The following GABRA2 variants were observed in gnomAD, a reference collection of about 807,000 sequenced individuals.
GABRA2 encodes gamma-aminobutyric acid receptor subunit alpha-2.
GABRA2 carries 16 observed loss-of-function variants against 48.7 expected under a neutral mutation model. That is an observed-to-expected ratio of 0.33 (90% confidence interval 0.22 to 0.50). The LOEUF is 0.50. Among genes scored for constraint, GABRA2 ranks in the 20% least tolerant of loss-of-function variants. The pLI is 0.98. For missense variants in GABRA2, 275 were observed against 535.6 expected (o/e 0.51, Z 4.80); for synonymous variants, 185 against 184.5 (o/e 1.00, Z -0.02).
In GABRA2 at chr4:46,250,425, A is replaced by G. The variant is rs924672943; in HGVS notation, c.1239T>C (p.Ser413=). The change falls in exon 10 of 10, where the codon AGT becomes AGC. Residue 413 remains serine (S), a synonymous_variant. Coordinates refer to ENST00000381620, the MANE Select transcript of GABRA2 (RefSeq NM_000807.4). ...KPAEAKKTFN[S]VSKIDRMSRI... ...TGGACATTCTGTCAATTTTGCTAACACTGTTGAAAGTTTTCTTTGCTTCAG... is the reference window on the plus strand; with the variant it reads ...TGGACATTCTGTCAATTTTGCTAACGCTGTTGAAAGTTTTCTTTGCTTCAG... 1 of 1,611,924 alleles carries G rather than the reference A, an allele frequency of 6.2e-7. No homozygotes were observed. Among genetic ancestry groups the G allele is most frequent in the Non-Finnish European group, 8.5e-7 (1 of 1,178,602 alleles).
chr4:46,275,657 A>C (rs965454803), intron 8 of GABRA2, among the ~76,000 whole-genome samples: 1 of 152,168 alleles, frequency 6.6e-6, no homozygotes, highest in African/African-American at 2.4e-5. Context: ...AAACCGCCCC[A>C]ATGTTATCAA....
At chr4:46,256,453 TC>T (rs1715855587) in intron 9 of GABRA2, 4 of 407,742 alleles carry the variant, frequency 9.8e-6, no homozygotes, top group African/African-American at 6.2e-5. Context: ...GTACCCAGCT[TC>T]CCCTAATTAA....
At chr4:46,388,358 CT>C (rs1487916500) in intron 2 of GABRA2, among the ~76,000 whole-genome samples, 3 of 152,294 alleles carry the variant, frequency 2.0e-5, no homozygotes, top group Non-Finnish European at 4.4e-5. Context: ...TAATTAATCA[CT>C]TCAATTCCTT....
At chr4:46,361,932 C>T (rs571694806) in intron 3 of GABRA2, among the ~76,000 whole-genome samples, 1 of 152,184 alleles carries the variant, frequency 6.6e-6, no homozygotes, top group Admixed American at 6.5e-5. Flanking sequence ...CAATTTCTCC[C>T]ATTTAGAATG....
intron 8 of GABRA2, among the ~76,000 whole-genome samples, chr4:46,281,858 C>A (rs1721599918): frequency 6.6e-6 from 1 of 150,464 alleles, no homozygotes; most frequent in African/African-American, 2.4e-5. Context: ...ATTTATCTTT[C>A]TTCTAGAGAT....
At chr4:46,318,561 A>G (rs1041760758) in intron 4 of GABRA2, among the ~76,000 whole-genome samples, 6 of 151,700 alleles carry the variant, frequency 4.0e-5, no homozygotes, top group Admixed American at 1.3e-4. Context: ...TGCATTTAAA[A>G]TTAACTTCAG....
chr4:46,287,616 C>T (rs1722804897), intron 8 of GABRA2, among the ~76,000 whole-genome samples: 1 of 112,516 alleles, frequency 8.9e-6, no homozygotes, highest in Non-Finnish European at 1.7e-5. Context: ...ACATCACACT[C>T]TGGGGACTGT....
At chr4:46,375,515 C>T (rs1054817476) in intron 3 of GABRA2, among the ~76,000 whole-genome samples, 6 of 152,106 alleles carry the variant, frequency 3.9e-5, no homozygotes, top group Middle Eastern at 3.4e-3. Flanking sequence ...GGAATTAACA[C>T]GGTCTTAGTA....
intron 3 of GABRA2, among the ~76,000 whole-genome samples, chr4:46,379,273 G>C (rs924593139): frequency 1.3e-5 from 2 of 152,162 alleles, no homozygotes; most frequent in African/African-American, 4.8e-5. Flanking sequence ...GCCATATGGA[G>C]AGAAGTGGGA....
At chr4:46,287,435 A>G (rs1167606481) in intron 8 of GABRA2, among the ~76,000 whole-genome samples, 2 of 151,824 alleles carry the variant, frequency 1.3e-5, no homozygotes, top group African/African-American at 4.8e-5. Flanking sequence ...TACACCATGG[A>G]ATACTATGCA....
At chr4:46,319,007 CCAGA>C (rs934270983) in intron 4 of GABRA2, among the ~76,000 whole-genome samples, 1 of 151,576 alleles carries the variant, frequency 6.6e-6, no homozygotes, top group Non-Finnish European at 1.5e-5. Context: ...GTGACAGAAC[CCAGA>C]CAAAGATGCA....
intron 9 of GABRA2, 131 bp from the exon 10 acceptor site, chr4:46,250,735 A>T: frequency 1.5e-6 from 1 of 647,758 alleles, no homozygotes; most frequent in Non-Finnish European, 2.6e-6. Context: ...AACAGAAATT[A>T]GGAAAATAAA....
At chr4:46,269,676 G>A (rs888038427) in intron 8 of GABRA2, among the ~76,000 whole-genome samples, 1 of 151,794 alleles carries the variant, frequency 6.6e-6, no homozygotes, top group Non-Finnish European at 1.5e-5. Context: ...TATTTGGATT[G>A]AATGGAGAAA....
At chr4:46,358,882 C>T (rs1712665575) in intron 3 of GABRA2, among the ~76,000 whole-genome samples, 1 of 152,148 alleles carries the variant, frequency 6.6e-6, no homozygotes. Flanking sequence ...GTGATCAAGC[C>T]ATTCATCTCA....
At chr4:46,357,162 T>C (rs1736123695) in intron 3 of GABRA2, among the ~76,000 whole-genome samples, 1 of 151,852 alleles carries the variant, frequency 6.6e-6, no homozygotes, top group Non-Finnish European at 1.5e-5. Context: ...TATGTCTGTC[T>C]ATCTGCAGGC....
intron 8 of GABRA2, among the ~76,000 whole-genome samples, chr4:46,285,935 T>C (rs1722467255): frequency 6.6e-6 from 1 of 152,156 alleles, no homozygotes; most frequent in Admixed American, 6.5e-5. Context: ...TTTAAGCTCA[T>C]GAATTTTAAA....
intron 4 of GABRA2, among the ~76,000 whole-genome samples, chr4:46,317,019 T>A (rs1189863924): frequency 6.6e-6 from 1 of 151,892 alleles, no homozygotes; most frequent in African/African-American, 2.4e-5. Context: ...CAACTCTCAG[T>A]GAGAGGGCAC....
intron 4 of GABRA2, among the ~76,000 whole-genome samples, chr4:46,325,205 C>A (rs908682757): frequency 6.6e-6 from 1 of 151,976 alleles, no homozygotes; most frequent in African/African-American, 2.4e-5. Context: ...ACATTCCCAC[C>A]AGCAGTATGT....
chr4:46,296,166 C>T (rs950076503), intron 8 of GABRA2, among the ~76,000 whole-genome samples: 9 of 152,246 alleles, frequency 5.9e-5, no homozygotes, highest in African/African-American at 2.2e-4. Context: ...ATATATGATA[C>T]TGTTTTGCCT....
Sources: allele counts gnomAD v4.1 joint callset (sites outside exome capture counted in the v4.1 genomes callset), GRCh38; gene constraint gnomAD v4.1.1; transcripts MANE v1.5; gene names NCBI Gene and HGNC (gene_info 2026-07-23, HGNC 2026-07-21).